The following ERBB4 variants were observed in gnomAD, a reference collection of about 807,000 sequenced individuals.
ERBB4 encodes the protein erb-b2 receptor tyrosine kinase 4.
Under a neutral mutation model 158.0 loss-of-function variants are expected in ERBB4, and 42 were observed. The ratio of observed to expected loss-of-function variants is 0.27; its 90% CI spans 0.21 to 0.34. The LOEUF (loss-of-function observed/expected upper bound fraction) is 0.34, where lower values mean the gene tolerates loss of function less well. ERBB4 is among the 10% of genes least tolerant of loss of function. The probability of loss-of-function intolerance (pLI) is 1.00; values close to 1 mark genes in which losing one functional copy is unlikely to be tolerated. For missense variants in ERBB4, 1,333 were observed against 1,624.1 expected, an observed-to-expected ratio of 0.82 and a Z score of 3.08; for synonymous variants, 583 against 558.7, an observed-to-expected ratio of 1.04 and a Z score of -0.61.
At chr2:211,567,849 T>C (rs1318313940) in intron 19 of ERBB4, among the ~76,000 whole-genome samples, 3 of 151,192 alleles carry the variant, frequency 2.0e-5, no homozygotes, top group Admixed American at 1.3e-4. Context: ...GGAGAGTAGA[T>C]AAAGAAAAGG....
intron 20 of ERBB4, among the ~76,000 whole-genome samples, chr2:211,494,011 C>T (rs764926145): frequency 1.3e-5 from 2 of 152,210 alleles, no homozygotes; most frequent in East Asian, 3.9e-4. Flanking sequence ...CAATTTTGGG[C>T]TACCCAGCCT....
At chr2:211,775,971 C>G (rs915624611) in intron 4 of ERBB4, among the ~76,000 whole-genome samples, 1 of 152,110 alleles carries the variant, frequency 6.6e-6, no homozygotes, top group Non-Finnish European at 1.5e-5. Flanking sequence ...TGAGTTGTAT[C>G]GGGGTTTGTC....
chr2:211,708,762 C>T (rs1351677091), intron 9 of ERBB4, among the ~76,000 whole-genome samples: 2 of 152,016 alleles, frequency 1.3e-5, no homozygotes, highest in Non-Finnish European at 2.9e-5. Flanking sequence ...TTTTAATCAC[C>T]ACAATAATCA....
At chr2:211,790,900 T>A (rs1416406835) in intron 3 of ERBB4, among the ~76,000 whole-genome samples, 1 of 151,988 alleles carries the variant, frequency 6.6e-6, no homozygotes, top group African/African-American at 2.4e-5. Flanking sequence ...TAGGACAGTT[T>A]TAATGTACAG....
At chr2:212,240,661 A>AAAAAAAAAAAAAAAAAAAAAC (rs1559823252) in intron 1 of ERBB4, among the ~76,000 whole-genome samples, 2 of 148,046 alleles carry the variant, frequency 1.4e-5, no homozygotes, top group Non-Finnish European at 3.0e-5. Context: ...AAAAAAAAAA[A>AAAAAAAAAAAAAAAAAAAAAC]AAAAAACAGA....
chr2:211,513,787 C>G (rs2065950354), intron 20 of ERBB4, among the ~76,000 whole-genome samples: 1 of 151,950 alleles, frequency 6.6e-6, no homozygotes, highest in Admixed American at 6.6e-5. Context: ...GGGCTCCAGA[C>G]TACTAAAACA....
chr2:211,448,220 G>A (rs993314420), intron 20 of ERBB4, among the ~76,000 whole-genome samples: 35 of 152,058 alleles, frequency 2.3e-4, no homozygotes, highest in Non-Finnish European at 3.1e-4. Context: ...TGATCCACCC[G>A]CCTCAGCCTC....
intron 1 of ERBB4, among the ~76,000 whole-genome samples, chr2:212,317,703 G>T (rs1022225419): frequency 2.6e-5 from 4 of 151,410 alleles, no homozygotes; most frequent in African/African-American, 9.7e-5. Context: ...ACAGATGAAG[G>T]ACTTAAGATC....
chr2:212,219,137 C>T (rs1466744459), intron 1 of ERBB4, among the ~76,000 whole-genome samples: 1 of 151,294 alleles, frequency 6.6e-6, no homozygotes, highest in East Asian at 1.9e-4. Flanking sequence ...TTACAGATTA[C>T]AATCTAACTA....
chr2:211,723,162 GT>G (rs1215178560), intron 6 of ERBB4, among the ~76,000 whole-genome samples: 4 of 152,082 alleles, frequency 2.6e-5, no homozygotes, highest in Admixed American at 2.6e-4. Flanking sequence ...ACTCCATTTA[GT>G]AAAAGCTACC....
At chr2:211,905,012 C>T (rs1434912534) in intron 3 of ERBB4, among the ~76,000 whole-genome samples, 1 of 152,062 alleles carries the variant, frequency 6.6e-6, no homozygotes, top group Non-Finnish European at 1.5e-5. Context: ...ATATGTTGTT[C>T]TTTGTATTAG....
intron 1 of ERBB4, among the ~76,000 whole-genome samples, chr2:212,318,067 T>C (rs1293076028): frequency 1.3e-5 from 2 of 151,624 alleles, no homozygotes; most frequent in Non-Finnish European, 3.0e-5. Flanking sequence ...AAGTGTTTTA[T>C]TCTTATAATC....
intron 1 of ERBB4, among the ~76,000 whole-genome samples, chr2:212,285,678 A>G (rs1363928432): frequency 2.6e-5 from 4 of 152,310 alleles, no homozygotes; most frequent in South Asian, 2.1e-4. Flanking sequence ...CAGTTTGTTA[A>G]AAATGAGGAC....
intron 20 of ERBB4, among the ~76,000 whole-genome samples, chr2:211,483,403 T>A (rs866282159): frequency 2.6e-5 from 4 of 152,118 alleles, no homozygotes; most frequent in Non-Finnish European, 5.9e-5. Flanking sequence ...TCCAACATCA[T>A]AATCATAATT....
chr2:212,062,519 T>A (rs1266751798), intron 2 of ERBB4, among the ~76,000 whole-genome samples: 1 of 142,644 alleles, frequency 7.0e-6, no homozygotes, highest in Non-Finnish European at 1.5e-5. Flanking sequence ...GCGATTCTCC[T>A]GCTTCAGCCT....
chr2:212,291,023 T>C (rs1455732360), intron 1 of ERBB4, among the ~76,000 whole-genome samples: 1 of 151,892 alleles, frequency 6.6e-6, no homozygotes, highest in Non-Finnish European at 1.5e-5. Flanking sequence ...CCTATGTATG[T>C]TTTCTATGGC....
chr2:211,508,902 C>A (rs1307886698), intron 20 of ERBB4, among the ~76,000 whole-genome samples: 1 of 151,786 alleles, frequency 6.6e-6, no homozygotes, highest in African/African-American at 2.4e-5. Context: ...TGCACTCCAG[C>A]CTGGGTGACA....
rs565372657 is a variant in ERBB4 at position 212,396,491 on chromosome 2, A to T, written c.82+141958T>A. ...TCTGAAAAAGGGGGATAATCAAGAT[A>T]CCTATGATATAGAATTACTGTGAGA... On this transcript the variant is annotated intron_variant, in intron 1 of 27. Transcript: ENST00000342788. Among the ~76,000 whole-genome samples the T allele has an allele frequency of 6.6e-5, 10 of 152,280 alleles. No individual in the cohort carries two copies. The South Asian group carries it at 2.1e-3, about 32-fold the overall frequency.
chr2:211,810,696 C>T (rs1305126426), intron 3 of ERBB4, among the ~76,000 whole-genome samples: 1 of 120,458 alleles, frequency 8.3e-6, no homozygotes, highest in African/African-American at 3.1e-5. Context: ...GACGGAGTCT[C>T]GCTCTGTCGC....
Sources: gnomAD v4.1 joint callset for allele counts (sites outside exome capture counted in the v4.1 genomes callset) on GRCh38, gnomAD v4.1.1 for gene constraint, MANE v1.5 for transcripts, NCBI Gene and HGNC (gene_info 2026-07-23, HGNC 2026-07-21) for gene names.